The following TMED3 variants were observed in gnomAD, a reference collection of about 807,000 sequenced individuals.
The protein encoded by TMED3 is transmembrane p24 trafficking protein 3.
TMED3 carries 9 observed loss-of-function variants against 15.0 expected under a neutral mutation model. The observed-to-expected ratio is 0.60, with a 90% CI of 0.36 to 1.04. TMED3 has a LOEUF of 1.04. TMED3 is among the 50% of genes least tolerant of loss of function. TMED3 has a pLI of 0.01. For synonymous variants in TMED3, 117 were observed against 121.4 expected, an observed-to-expected ratio of 0.96 and a Z score of 0.24; for missense variants, 267 against 278.9, an observed-to-expected ratio of 0.96 and a Z score of 0.30.
At chr15:79,373,945 G>A (rs1218118780) in intron 2 of TMED3, among the ~76,000 whole-genome samples, 1 of 152,186 alleles carries the variant, frequency 6.6e-6, no homozygotes, top group African/African-American at 2.4e-5. Context: ...GTTAAGTTAA[G>A]GGAGGTTGTG....
chr15:79,380,014 TG>T (rs780235440), intron 2 of TMED3, among the ~76,000 whole-genome samples: 3 of 152,178 alleles, frequency 2.0e-5, no homozygotes, highest in Non-Finnish European at 4.4e-5. Flanking sequence ...TGGAGAATTC[TG>T]GTAGCTCAGA....
chr15:79,311,690 G>A (rs936497797), intron 1 of TMED3, among the ~76,000 whole-genome samples: 6 of 152,138 alleles, frequency 3.9e-5, no homozygotes, highest in African/African-American at 1.4e-4. Context: ...CCGCAGCCTG[G>A]GGAGCTGGCC....
At chr15:79,328,363 C>T (rs1324824957) in intron 2 of TMED3, among the ~76,000 whole-genome samples, 2 of 101,354 alleles carry the variant, frequency 2.0e-5, no homozygotes, top group Non-Finnish European at 4.6e-5. Context: ...ACCCCATTTT[C>T]CTTTAATTTA....
rs553778962 is a variant in TMED3, at chr15:79,329,996, A to G, written c.417+15991A>G. ...TAAAAATGACAGCAACAGGATGGCT[A>G]TTTAGAGATGCCCGGTGGTCATTCC... On this transcript the variant is annotated intron_variant, in intron 2 of 2. Coordinates refer to the TMED3 transcript ENST00000424155. 1.0e-3 allele frequency among the ~76,000 whole-genome samples: 152 copies of G among 152,378 alleles called. 2 individuals are homozygous for G. Among genetic ancestry groups the G allele is most frequent in the African/African-American group, 3.4e-3 (143 of 41,588 alleles).
At chr15:79,375,468 C>A (rs1328842140) in intron 2 of TMED3, among the ~76,000 whole-genome samples, 1 of 152,050 alleles carries the variant, frequency 6.6e-6, no homozygotes, top group Non-Finnish European at 1.5e-5. Context: ...TAAAGAAATA[C>A]CTGAGTCTGA....
intron 2 of TMED3, among the ~76,000 whole-genome samples, chr15:79,351,994 A>G (rs1012044611): frequency 2.0e-5 from 3 of 151,870 alleles, no homozygotes; most frequent in Admixed American, 6.6e-5. Context: ...ATATGTTCTT[A>G]TTCATAAGTG....
intron 2 of TMED3, among the ~76,000 whole-genome samples, chr15:79,366,446 A>AT (rs1213645446): frequency 3.3e-5 from 5 of 152,200 alleles, no homozygotes; most frequent in African/African-American, 1.2e-4. Context: ...CATCCGCAAC[A>AT]TTTAGTTTCT....
At chr15:79,340,078 C>T (rs150323081) in intron 2 of TMED3, among the ~76,000 whole-genome samples, 23 of 152,248 alleles carry the variant, frequency 1.5e-4, no homozygotes, top group Admixed American at 6.5e-4. Context: ...TGTGTATCTC[C>T]CATTGCTCCT....
chr15:79,315,649 A>G (rs181830611), intron 2 of TMED3, among the ~76,000 whole-genome samples: 1 of 152,344 alleles, frequency 6.6e-6, no homozygotes, highest in East Asian at 1.9e-4. Context: ...TTGTTGCAGG[A>G]AAGAGTGATT....
At chr15:79,401,664 C>T (rs994755263) in intron 2 of TMED3, among the ~76,000 whole-genome samples, 1 of 152,156 alleles carries the variant, frequency 6.6e-6, no homozygotes, top group African/African-American at 2.4e-5. Flanking sequence ...AAACGAAGAA[C>T]AGTGACATGG....
chr15:79,395,265 C>T (rs1209888111), intron 2 of TMED3, among the ~76,000 whole-genome samples: 2 of 152,106 alleles, frequency 1.3e-5, no homozygotes, highest in African/African-American at 2.4e-5. Flanking sequence ...CTGAAACCTC[C>T]GCCTCCTGGA....
At chr15:79,328,751 C>T (rs1278778772) in intron 2 of TMED3, among the ~76,000 whole-genome samples, 1 of 152,192 alleles carries the variant, frequency 6.6e-6, no homozygotes, top group Non-Finnish European at 1.5e-5. Flanking sequence ...CTCTCACACA[C>T]ACAGCTGTGA....
intron 2 of TMED3, among the ~76,000 whole-genome samples, chr15:79,343,228 A>G (rs2058857725): frequency 6.6e-6 from 1 of 152,124 alleles, no homozygotes; most frequent in African/African-American, 2.4e-5. Context: ...CTCCATCACC[A>G]AGACACTCTG....
chr15:79,358,173 G>C (rs1595899165), intron 2 of TMED3, among the ~76,000 whole-genome samples: 1 of 152,174 alleles, frequency 6.6e-6, no homozygotes, highest in Admixed American at 6.5e-5. Flanking sequence ...GCACTGGATA[G>C]CGCAGTGAGC....
At chr15:79,368,374 C>T (rs1447030559) in intron 2 of TMED3, among the ~76,000 whole-genome samples, 1 of 152,122 alleles carries the variant, frequency 6.6e-6, no homozygotes, top group African/African-American at 2.4e-5. Flanking sequence ...AGTGTTAATG[C>T]TCCAGCCAAA....
At position 79,352,673 on chromosome 15, in the gene TMED3, A is replaced by AAAAAT. The variant is rs386383572; in HGVS notation, c.417+38669_417+38670insAAATA. On this transcript the variant is annotated intron_variant, in intron 2 of 2. Coordinates refer to the TMED3 transcript ENST00000424155. ...CAAGGTCATTAACTAAGAAAAAAAA[A>AAAAAT]ATATATATATATATGTAACTGAATA... Among the ~76,000 whole-genome samples, 296 of 141,742 alleles carry AAAAAT rather than the reference A, an allele frequency of 2.1e-3. 2 individuals carry two copies. Among genetic ancestry groups the AAAAAT allele is most frequent in the Non-Finnish European group, 3.6e-3 (238 of 66,066 alleles). The allele number at this position is 141,742 out of a possible 152,430, so 93.0% of individuals were successfully genotyped here. A position where few individuals can be genotyped will look rare whatever the true frequency, so the allele number is the denominator to read the frequency against.
At chr15:79,318,459 C>T (rs2058750370) in intron 2 of TMED3, among the ~76,000 whole-genome samples, 1 of 152,124 alleles carries the variant, frequency 6.6e-6, no homozygotes, top group African/African-American at 2.4e-5. Flanking sequence ...TCCTTGTAAC[C>T]TCATCCTACA....
At chr15:79,409,957 C>T (rs868569687) in intron 2 of TMED3, among the ~76,000 whole-genome samples, 2 of 151,952 alleles carry the variant, frequency 1.3e-5, no homozygotes, top group African/African-American at 2.4e-5. Flanking sequence ...TAAACTAATA[C>T]CCGAAGATCC....
intron 2 of TMED3, among the ~76,000 whole-genome samples, chr15:79,359,738 A>G (rs1294320997): frequency 6.6e-6 from 1 of 152,208 alleles, no homozygotes; most frequent in Non-Finnish European, 1.5e-5. Context: ...TATAGTATCA[A>G]AAAGTTAACA....
Sources: gnomAD v4.1 joint callset for allele counts (sites outside exome capture counted in the v4.1 genomes callset) on GRCh38, gnomAD v4.1.1 for gene constraint, MANE v1.5 for transcripts, NCBI Gene and HGNC (gene_info 2026-07-23, HGNC 2026-07-21) for gene names.